Variants in KANK4 observed in about 807,000 individuals in gnomAD.
The protein encoded by KANK4 is KN motif and ankyrin repeat domains 4.
Under a neutral mutation model 80.8 loss-of-function variants are expected in KANK4, and 50 were observed. The ratio of observed to expected loss-of-function variants is 0.62; its 90% CI spans 0.49 to 0.78. The LOEUF (loss-of-function observed/expected upper bound fraction) is 0.78. Ranked by LOEUF, KANK4 falls within the 30% of genes least tolerant of loss-of-function variation. The probability of loss-of-function intolerance (pLI) is 0.00; values close to 1 mark genes in which losing one functional copy is unlikely to be tolerated. For missense variants in KANK4, 1,196 were observed against 1,240.1 expected, an observed-to-expected ratio of 0.96 and a Z score of 0.53; for synonymous variants, 465 against 506.9, an observed-to-expected ratio of 0.92 and a Z score of 1.11.
chr1:62,299,984 C>T (rs910592483), intron 1 of KANK4, among the ~76,000 whole-genome samples: 3 of 152,076 alleles, frequency 2.0e-5, no homozygotes, highest in Admixed American at 6.5e-5. Context: ...GCAGCCTGTC[C>T]GACATACTTA....
chr1:62,304,710 C>G (rs1212673579), intron 1 of KANK4, among the ~76,000 whole-genome samples: 1 of 152,050 alleles, frequency 6.6e-6, no homozygotes, highest in African/African-American at 2.4e-5. Flanking sequence ...CGATTACCCG[C>G]CCCCTCGCCA....
At chr1:62,260,732 C>T (rs1398766449) in intron 7 of KANK4, among the ~76,000 whole-genome samples, 1 of 152,184 alleles carries the variant, frequency 6.6e-6, no homozygotes, top group African/African-American at 2.4e-5. Context: ...GAATCTGACA[C>T]AGTTGACAAT....
intron 6 of KANK4, among the ~76,000 whole-genome samples, chr1:62,266,319 G>A (rs1029504984): frequency 6.6e-6 from 1 of 151,170 alleles, no homozygotes; most frequent in Non-Finnish European, 1.5e-5. Flanking sequence ...GCCTCACACT[G>A]TGCACTGCAC....
chr1:62,271,550 T>G lies in KANK4; in HGVS notation c.1940A>C (p.Lys647Thr). 6.2e-7 allele frequency: 1 copy of G among 1,614,072 alleles called. No individual in the cohort carries two copies. Among genetic ancestry groups the G allele is most frequent in the Non-Finnish European group, 8.5e-7 (1 of 1,179,928 alleles). Reference sequence around the variant, plus strand: ...TCCTGCACGGAAGCCATAGTCTTTCTTTTTCATTATGGATTTAAGGCTGGT... The same window carrying G: ...TCCTGCACGGAAGCCATAGTCTTTCGTTTTCATTATGGATTTAAGGCTGGT... ...PSTSLKSIMK[K>T]KDYGFRAGGN... The change falls in exon 4 of 10, where the codon AAG (lysine) becomes ACG (threonine). Residue 647 changes from lysine (K) to threonine (T), a missense_variant. Coordinates refer to ENST00000371153, the MANE Select transcript of KANK4 (RefSeq NM_181712.5).
At chr1:62,259,705 TTTA>T (rs1248585347) in intron 7 of KANK4, among the ~76,000 whole-genome samples, 1 of 149,764 alleles carries the variant, frequency 6.7e-6, no homozygotes, top group Non-Finnish European at 1.5e-5. Context: ...ATAATAAATT[TTTA>T]TTATTAAATG....
At chr1:62,316,924 C>G (rs1177707347) in intron 1 of KANK4, among the ~76,000 whole-genome samples, 1 of 152,150 alleles carries the variant, frequency 6.6e-6, no homozygotes, top group Non-Finnish European at 1.5e-5. Flanking sequence ...TTGCCTCTAT[C>G]TTGTCAGGAA....
intron 1 of KANK4, among the ~76,000 whole-genome samples, chr1:62,301,656 G>A (rs181224417): frequency 3.3e-5 from 5 of 152,042 alleles, no homozygotes; most frequent in South Asian, 2.1e-4. Flanking sequence ...TGCGCCCACC[G>A]CCTCTACTGC....
intron 1 of KANK4, 78 bp from the exon 2 acceptor site, chr1:62,281,712 A>T: frequency 2.2e-6 from 2 of 901,842 alleles, no homozygotes; most frequent in Non-Finnish European, 3.7e-6. Flanking sequence ...GCACTAAACA[A>T]AGTAACATCC....
chr1:62,281,441 G>C, intron 2 of KANK4, 108 bp downstream of exon 2: 1 of 1,312,062 alleles, frequency 7.6e-7, no homozygotes, highest in Admixed American at 1.7e-5. Flanking sequence ...CTGTTTGAGG[G>C]ATATCTCCTG....
intron 1 of KANK4, among the ~76,000 whole-genome samples, chr1:62,282,955 AG>A (rs1038840823): frequency 1.1e-4 from 17 of 152,236 alleles, no homozygotes; most frequent in African/African-American, 4.1e-4. Context: ...CTGAGAGTGT[AG>A]GTGGTCTTGC....
At chr1:62,252,576 C>G (rs1271671931) in intron 8 of KANK4, among the ~76,000 whole-genome samples, 3 of 152,250 alleles carry the variant, frequency 2.0e-5, no homozygotes, top group Non-Finnish European at 4.4e-5. Context: ...TCTGTCTGCC[C>G]TGGCTATCCA....
intron 2 of KANK4, among the ~76,000 whole-genome samples, chr1:62,281,205 C>T (rs751976137): frequency 6.6e-6 from 1 of 152,190 alleles, no homozygotes; most frequent in South Asian, 2.1e-4. Context: ...TGCTAACACA[C>T]AGAATCTTTT....
intron 4 of KANK4, among the ~76,000 whole-genome samples, chr1:62,269,220 A>G (rs1178502713): frequency 6.6e-6 from 1 of 152,236 alleles, no homozygotes; most frequent in Non-Finnish European, 1.5e-5. Flanking sequence ...GGCAGACCAG[A>G]GGCCATGGAG....
At chr1:62,256,078 C>G (rs761085584) in intron 7 of KANK4, among the ~76,000 whole-genome samples, 4 of 152,186 alleles carry the variant, frequency 2.6e-5, no homozygotes, top group Admixed American at 6.5e-5. Flanking sequence ...ATTTTTAGCT[C>G]ATCGGCTATC....
Position 62,259,985 on chromosome 1 carries a change from T to TTTGATGCATGATGCACCTTTGATGCA in KANK4, c.2539+3106_2539+3107insTGCATCAAAGGTGCATCATGCATCAA, listed in dbSNP as rs1671841224. Among the ~76,000 whole-genome samples the TTTGATGCATGATGCACCTTTGATGCA allele has an allele frequency of 3.3e-5, 5 of 152,210 alleles. 1 individual carries two copies. Among genetic ancestry groups the TTTGATGCATGATGCACCTTTGATGCA allele is most frequent in the African/African-American group, 9.6e-5 (4 of 41,536 alleles). On this transcript the variant is annotated intron_variant, in intron 7 of 9. Transcript: ENST00000371153. ...CTTTCGCTCAGCCTCATCATGCACC[T>TTTGATGCATGATGCACCTTTGATGCA]GTCTTTGATTGACTGTTAACTACCC...
intron 9 of KANK4, 66 bp downstream of exon 9, chr1:62,247,406 C>T: frequency 6.9e-7 from 1 of 1,447,486 alleles, no homozygotes; most frequent in South Asian, 1.2e-5. Flanking sequence ...TCCCAAAGTG[C>T]TGGGGTTACA....
In KANK4 at chr1:62,263,213, C is replaced by G. The variant is rs1323789907; in HGVS notation, c.2418G>C (p.Gln806His). 1 of 1,613,924 alleles carries G rather than the reference C, an allele frequency of 6.2e-7. No individual in the cohort carries two copies. The highest frequency in any genetic ancestry group is 1.3e-5 in the African/African-American group (1 of 74,990). ...AVVASYLHEV[Q>H]PHSPHFLKLL... ...GTTTCAGGAAGTGTGGGGAGTGAGG[C>G]TGGACCTCGTGGAGGTAGGAGGCCA... is the stretch of plus-strand genomic sequence containing the variant. The change falls in exon 7 of 10, where the codon CAG becomes CAC. Residue 806 changes from glutamine to histidine, a missense_variant. By Grantham distance (24) the Gln-to-His change is conservative (BLOSUM62 0). Around this residue, in one of 3 missense-constraint regions of KANK4, gnomAD observed 1,154 missense variants for 1,179.6 expected, o/e 0.98. Coordinates refer to ENST00000371153, the MANE Select transcript of KANK4 (RefSeq NM_181712.5).
chr1:62,264,796 G>A (rs2149134244), intron 6 of KANK4, among the ~76,000 whole-genome samples: 1 of 152,254 alleles, frequency 6.6e-6, no homozygotes, highest in South Asian at 2.1e-4. Flanking sequence ...AGGAACAGAG[G>A]GGTGGATTTT....
chr1:62,305,312 T>C (rs1438077718), intron 1 of KANK4, among the ~76,000 whole-genome samples: 1 of 152,174 alleles, frequency 6.6e-6, no homozygotes, highest in Non-Finnish European at 1.5e-5. Context: ...GCTTGAGATT[T>C]TTTTTTTCTT....
Sources: allele counts gnomAD v4.1 joint callset (sites outside exome capture counted in the v4.1 genomes callset), GRCh38; gene constraint gnomAD v4.1.1; regional missense constraint gnomAD v4.1.1; transcripts MANE v1.5; gene names NCBI Gene and HGNC (gene_info 2026-07-23, HGNC 2026-07-21).